The following KIF6 variants were observed in gnomAD, a reference collection of about 807,000 sequenced individuals.
The protein encoded by KIF6 is kinesin-like protein KIF6.
In KIF6, 106 loss-of-function variants were observed where a neutral mutation model predicts 112.7. That is an observed-to-expected ratio of 0.94 (90% CI 0.80 to 1.11). The LOEUF (loss-of-function observed/expected upper bound fraction) is 1.11. Among genes scored for constraint, KIF6 ranks in the 50% least tolerant of loss-of-function variants. The pLI is 0.00. For synonymous variants in KIF6, 339 were observed against 339.9 expected (o/e 1.00, Z 0.03); for missense variants, 929 against 964.0 (o/e 0.96, Z 0.48).
intron 6 of KIF6, among the ~76,000 whole-genome samples, chr6:39,602,842 C>G (rs570407142): frequency 1.3e-5 from 2 of 152,158 alleles, no homozygotes; most frequent in Admixed American, 6.6e-5. Context: ...CAAGTATACC[C>G]TTTTCCTACT....
At chr6:39,531,574 C>T (rs892722346) in intron 13 of KIF6, among the ~76,000 whole-genome samples, 3 of 152,062 alleles carry the variant, frequency 2.0e-5, no homozygotes, top group Non-Finnish European at 4.4e-5. Context: ...ACATGAGTAC[C>T]GATTTTATTT....
At chr6:39,704,076 A>AG (rs1789040396) in intron 3 of KIF6, among the ~76,000 whole-genome samples, 2 of 152,208 alleles carry the variant, frequency 1.3e-5, no homozygotes, top group African/African-American at 4.8e-5. Context: ...AAAAGAGTTA[A>AG]GGGGGAAAAA....
intron 3 of KIF6, among the ~76,000 whole-genome samples, chr6:39,707,012 T>C (rs1237306325): frequency 6.6e-6 from 1 of 152,208 alleles, no homozygotes; most frequent in Non-Finnish European, 1.5e-5. Context: ...GAGTATAGAA[T>C]AGTTCTCTGG....
chr6:39,422,958 CTGA>C (rs1237223859), intron 14 of KIF6, among the ~76,000 whole-genome samples: 3 of 152,360 alleles, frequency 2.0e-5, no homozygotes, highest in African/African-American at 7.2e-5. Flanking sequence ...CACTGCTATG[CTGA>C]TGAGGCTGCA....
chr6:39,360,605 T>A, intron 17 of KIF6, 75 bp from the exon 18 acceptor site: 1 of 1,559,752 alleles, frequency 6.4e-7, no homozygotes, highest in South Asian at 1.1e-5. Context: ...TGTAAATGAA[T>A]GGGGCCCGTG....
chr6:39,679,978 G>A (rs1787417014), intron 3 of KIF6, among the ~76,000 whole-genome samples: 1 of 150,932 alleles, frequency 6.6e-6, no homozygotes, highest in African/African-American at 2.4e-5. Context: ...TAAAAGTTCT[G>A]GCATCTCAAA....
At chr6:39,675,353 C>T (rs551820264) in intron 3 of KIF6, among the ~76,000 whole-genome samples, 34 of 152,246 alleles carry the variant, frequency 2.2e-4, no homozygotes, top group African/African-American at 7.9e-4. Context: ...AGTCTTCCTT[C>T]AGTATTTGTA....
intron 13 of KIF6, among the ~76,000 whole-genome samples, chr6:39,511,892 A>G (rs898125125): frequency 2.0e-5 from 3 of 152,200 alleles, no homozygotes; most frequent in African/African-American, 7.2e-5. Flanking sequence ...GGAGTTGAAC[A>G]ATGAAAACAC....
intron 13 of KIF6, among the ~76,000 whole-genome samples, chr6:39,452,965 A>C (rs572653581): frequency 8.5e-5 from 13 of 152,324 alleles, no homozygotes; most frequent in African/African-American, 2.9e-4. Flanking sequence ...AGGAAGAAAC[A>C]TCTTTCTTTA....
At chr6:39,346,124 T>C (rs1234107904) in intron 20 of KIF6, among the ~76,000 whole-genome samples, 4 of 70,242 alleles carry the variant, frequency 5.7e-5, no homozygotes, top group Non-Finnish European at 7.3e-5. Context: ...TCCCTCTCCC[T>C]CCCTCTCCCT....
chr6:39,653,820 G>T (rs557354931), intron 3 of KIF6, among the ~76,000 whole-genome samples: 11 of 152,238 alleles, frequency 7.2e-5, no homozygotes, highest in Admixed American at 6.5e-5. Flanking sequence ...GATGCCGGTG[G>T]GGGGTAGTTT....
chr6:39,657,186 T>C (rs866560129), intron 3 of KIF6, among the ~76,000 whole-genome samples: 1 of 147,388 alleles, frequency 6.8e-6, no homozygotes, highest in South Asian at 2.1e-4. Context: ...TGAGCAGAGA[T>C]AGCACCAGTG....
rs979452869 is a variant in KIF6 at position 39,378,148 on chromosome 6, C to T, written c.1861+7474G>A. On this transcript the variant is annotated intron_variant, in intron 16 of 22. Coordinates refer to ENST00000287152, the MANE Select transcript of KIF6 (RefSeq NM_145027.6). The surrounding 1 kb of genome is among the most constrained non-coding windows in gnomAD (Gnocchi z 5.0). ...CACAGAAGTTGGGTCAAGGGGTAAA[C>T]GCAGAGAAGCGTAAATGCAGAGAAA... 1.3e-5 allele frequency among the ~76,000 whole-genome samples: 2 copies of T among 151,952 alleles called. No homozygotes were observed. Among genetic ancestry groups the T allele is most frequent in the Admixed American group, 6.6e-5 (1 of 15,248 alleles).
intron 19 of KIF6, among the ~76,000 whole-genome samples, chr6:39,354,400 A>G (rs1764485056): frequency 6.6e-6 from 1 of 152,224 alleles, no homozygotes. Flanking sequence ...ACTGGCTCAC[A>G]TGGGACATCT....
chr6:39,480,695 T>C (rs1050813017), intron 13 of KIF6, among the ~76,000 whole-genome samples: 19 of 152,240 alleles, frequency 1.2e-4, no homozygotes, highest in Admixed American at 3.3e-4. Flanking sequence ...CTGGGCTTTG[T>C]TGTGTTGGTA....
chr6:39,358,582 C>CATACCACCTTGTCAGTGGTG (rs1562128236), intron 18 of KIF6, among the ~76,000 whole-genome samples: 5 of 152,196 alleles, frequency 3.3e-5, no homozygotes, highest in African/African-American at 1.2e-4. Context: ...TGACCCTTGT[C>CATACCACCTTGTCAGTGGTG]GACCGGTCAG....
At chr6:39,346,401 G>A (rs748348071) in intron 20 of KIF6, 75 bp downstream of exon 20, 51 of 715,566 alleles carry the variant, frequency 7.1e-5, no homozygotes, top group Admixed American at 2.8e-4. Context: ...ACATTGGAGA[G>A]CTCCCTTGCC....
intron 3 of KIF6, 130 bp from the exon 4 acceptor site, chr6:39,639,887 T>G: frequency 1.4e-6 from 1 of 709,956 alleles, no homozygotes; most frequent in Non-Finnish European, 2.2e-6. Flanking sequence ...TATTAAAAAT[T>G]TATATATGTG....
rs932312171 is a variant in KIF6 at position 39,538,285 on chromosome 6, C to T, written c.1645+1718G>A. On this transcript the variant is annotated intron_variant, in intron 13 of 22. Coordinates refer to ENST00000287152, the MANE Select transcript of KIF6 (RefSeq NM_145027.6). ...ACCATCAGAGTGAACAGGCAACCTACAACATGGGAGAAAATTTTCGCAACC... is the reference window on the plus strand; with the variant it reads ...ACCATCAGAGTGAACAGGCAACCTATAACATGGGAGAAAATTTTCGCAACC... Among the ~76,000 whole-genome samples the T allele has an allele frequency of 4.6e-4, 70 of 151,110 alleles. 1 individual carries two copies. Among genetic ancestry groups the T allele is most frequent in the Admixed American group, 1.1e-3 (16 of 15,228 alleles).
Sources: allele counts gnomAD v4.1 joint callset (sites outside exome capture counted in the v4.1 genomes callset), GRCh38; gene constraint gnomAD v4.1.1; non-coding constraint Gnocchi (gnomAD v3.1); transcripts MANE v1.5; gene names NCBI Gene and HGNC (gene_info 2026-07-23, HGNC 2026-07-21).